Variants in TGFBR3 observed in about 807,000 individuals in gnomAD.
TGFBR3 encodes the protein transforming growth factor beta receptor type 3.
Under a neutral mutation model 87.9 loss-of-function variants are expected in TGFBR3, and 46 were observed. The ratio of observed to expected loss-of-function variants is 0.52; its 90% CI spans 0.41 to 0.67. The LOEUF (loss-of-function observed/expected upper bound fraction) is 0.67, where lower values mean the gene tolerates loss of function less well. Ranked by LOEUF, TGFBR3 falls within the 30% of genes least tolerant of loss-of-function variation. The probability of loss-of-function intolerance (pLI) is 0.00; values close to 1 mark genes in which losing one functional copy is unlikely to be tolerated. For missense variants in TGFBR3, 866 were observed against 1,041.9 expected, an observed-to-expected ratio of 0.83 and a Z score of 2.32; for synonymous variants, 381 against 391.6, an observed-to-expected ratio of 0.97 and a Z score of 0.32.
chr1:91,903,046 T>C (rs1414503398), intron 1 of TGFBR3, among the ~76,000 whole-genome samples: 1 of 125,264 alleles, frequency 8.0e-6, no homozygotes, highest in African/African-American at 3.0e-5. Flanking sequence ...AAAAAAAAAA[T>C]TGAGGCCGGG....
intron 1 of TGFBR3, among the ~76,000 whole-genome samples, chr1:91,874,857 T>C (rs1317317428): frequency 6.6e-6 from 1 of 152,104 alleles, no homozygotes; most frequent in Non-Finnish European, 1.5e-5. Flanking sequence ...ATTCTGGCTA[T>C]TGGGTGGGAA....
intron 4 of TGFBR3, among the ~76,000 whole-genome samples, chr1:91,739,242 T>G (rs1220636079): frequency 4.6e-5 from 7 of 152,076 alleles, no homozygotes; most frequent in African/African-American, 1.7e-4. Context: ...CAGGAGATCA[T>G]TAGTAGACTT....
chr1:91,760,250 G>A (rs1037867446), intron 3 of TGFBR3, among the ~76,000 whole-genome samples: 11 of 152,062 alleles, frequency 7.2e-5, no homozygotes, highest in Admixed American at 1.3e-4. Flanking sequence ...GAAAAACCCC[G>A]TCTCTACTAA....
chr1:91,705,024 G>C (rs951010780), intron 14 of TGFBR3, among the ~76,000 whole-genome samples: 2 of 152,152 alleles, frequency 1.3e-5, no homozygotes, highest in Admixed American at 6.5e-5. Flanking sequence ...ACCAGAGAGA[G>C]CTGGAGTTTT....
chr1:91,683,915 T>G (rs1391568950), intron 16 of TGFBR3, 58 bp from the exon 17 acceptor site: 2 of 1,441,076 alleles, frequency 1.4e-6, no homozygotes, highest in African/African-American at 2.8e-5. Context: ...GTATGTGCAT[T>G]CCTGAAAAGA....
At chr1:91,867,576 CAA>C (rs1333981520) in intron 1 of TGFBR3, among the ~76,000 whole-genome samples, 2 of 152,326 alleles carry the variant, frequency 1.3e-5, no homozygotes, top group African/African-American at 4.8e-5. Context: ...ACACATTTCA[CAA>C]AGTTGGAAAA....
intron 1 of TGFBR3, among the ~76,000 whole-genome samples, chr1:91,879,268 C>CA (rs201627799): frequency 4.4e-4 from 58 of 132,816 alleles, no homozygotes; most frequent in South Asian, 1.5e-3. Flanking sequence ...GACTCTGTCT[C>CA]AAAAAAAAAA....
Position 91,710,883 on chromosome 1 carries a change from G to A in TGFBR3, c.2166+1360C>T, listed in dbSNP as rs550820846. On this transcript the variant is annotated intron_variant, in intron 13 of 16. Transcript: ENST00000212355. ...GGGTAAAGGGCGACTTGAGGTTTAG[G>A]GTTATATCCCATCATGTCATCCCCT... Among the ~76,000 whole-genome samples, 5 of 152,198 alleles carry A rather than the reference G, an allele frequency of 3.3e-5. No individual in the cohort carries two copies. The East Asian group carries it at 9.7e-4, about 29-fold the overall frequency.
chr1:91,692,806 T>A (rs1354454808), intron 16 of TGFBR3, among the ~76,000 whole-genome samples: 3 of 152,182 alleles, frequency 2.0e-5, no homozygotes, highest in African/African-American at 7.2e-5. Context: ...ACATTCCAGG[T>A]ATGTAAGTAG....
At chr1:91,814,429 T>C (rs892851786) in intron 2 of TGFBR3, among the ~76,000 whole-genome samples, 6 of 152,220 alleles carry the variant, frequency 3.9e-5, no homozygotes, top group African/African-American at 1.4e-4. Flanking sequence ...AGTGTACTTT[T>C]TTTTAATCAA....
At chr1:91,750,129 G>A (rs1245929499) in intron 4 of TGFBR3, among the ~76,000 whole-genome samples, 1 of 152,192 alleles carries the variant, frequency 6.6e-6, no homozygotes, top group Non-Finnish European at 1.5e-5. Flanking sequence ...ACACAGACAT[G>A]ACGCAAGTCC....
intron 2 of TGFBR3, among the ~76,000 whole-genome samples, chr1:91,819,070 T>A (rs1557727399): frequency 6.6e-6 from 1 of 152,062 alleles, no homozygotes; most frequent in Non-Finnish European, 1.5e-5. Flanking sequence ...TCAGAAACAA[T>A]CCTTAAATCC....
chr1:91,683,539 C>T lies in TGFBR3; in HGVS notation c.*200G>A, dbSNP rs1805116. The T allele has an allele frequency of 0.14, 98,510 of 698,420 alleles. 7,819 individuals carry two copies. The highest frequency in any genetic ancestry group is 0.17 in the Non-Finnish European group (65,204 of 384,370). The allele number at this position is 698,420 out of a possible 1,614,324, so 43.3% of individuals were successfully genotyped here. ...TGAATTCTAGTGTGGTACAGAAGCC[C>T]AGGGTCATGTTTATACTAGCCCTGG... is the stretch of plus-strand genomic sequence containing the variant. On this transcript the variant is annotated 3_prime_UTR_variant, in exon 17 of 17. Coordinates refer to ENST00000212355, the MANE Select transcript of TGFBR3 (RefSeq NM_003243.5).
At chr1:91,874,453 G>A (rs1291184100) in intron 1 of TGFBR3, among the ~76,000 whole-genome samples, 1 of 152,162 alleles carries the variant, frequency 6.6e-6, no homozygotes, top group Admixed American at 6.5e-5. Flanking sequence ...GGGCTTTGCA[G>A]ATCACTGTAA....
chr1:91,829,581 A>G (rs1477967652), intron 2 of TGFBR3, among the ~76,000 whole-genome samples: 1 of 152,088 alleles, frequency 6.6e-6, no homozygotes, highest in African/African-American at 2.4e-5. Context: ...CCTCAAAGGA[A>G]GCTCTGAGAT....
intron 2 of TGFBR3, among the ~76,000 whole-genome samples, chr1:91,804,199 C>A (rs567895657): frequency 1.3e-5 from 2 of 152,144 alleles, no homozygotes; most frequent in Non-Finnish European, 2.9e-5. Flanking sequence ...AAAACACCAA[C>A]CATGAAATGA....
chr1:91,746,025 T>C (rs1673333657), intron 4 of TGFBR3, among the ~76,000 whole-genome samples: 1 of 152,352 alleles, frequency 6.6e-6, no homozygotes. Context: ...ACATTCATGA[T>C]GATCATCCTG....
At chr1:91,713,826 G>T (rs284870) in intron 12 of TGFBR3, among the ~76,000 whole-genome samples, 15,208 of 152,038 alleles carry the variant, frequency 0.1, 947 homozygotes, top group South Asian at 0.25. Flanking sequence ...AATTACATAT[G>T]TGCTATTACT....
rs532579868 is a variant in TGFBR3 at position 91,687,214 on chromosome 1, G to A, written c.2438-3357C>T. Among the ~76,000 whole-genome samples, 6 of 152,288 alleles carry A rather than the reference G, an allele frequency of 3.9e-5. No individual in the cohort carries two copies. In the South Asian group the frequency reaches 1.2e-3, roughly 32 times the overall value. ...GCAGTCACTTACAGTGCCAGCTTAG[G>A]AGGCTGAAGGGGGAGGATCTCCTGA... On this transcript the variant is annotated intron_variant, in intron 16 of 16. Coordinates refer to ENST00000212355, the MANE Select transcript of TGFBR3 (RefSeq NM_003243.5).
Sources: gnomAD v4.1 joint callset for allele counts (sites outside exome capture counted in the v4.1 genomes callset) on GRCh38, gnomAD v4.1.1 for gene constraint, MANE v1.5 for transcripts, NCBI Gene and HGNC (gene_info 2026-07-23, HGNC 2026-07-21) for gene names.